CTNND2: variants seen among roughly 807,000 people sequenced by gnomAD.
CTNND2 encodes catenin delta-2.
CTNND2 carries 22 observed loss-of-function variants against 144.4 expected under a neutral mutation model. The observed-to-expected ratio is 0.15, with a 90% confidence interval of 0.11 to 0.22. The LOEUF (loss-of-function observed/expected upper bound fraction) is 0.22. Ranked by LOEUF, CTNND2 falls within the 10% of genes least tolerant of loss-of-function variation. CTNND2 has a pLI of 1.00. For synonymous variants in CTNND2, 751 were observed against 695.6 expected (o/e 1.08, Z -1.25); for missense variants, 1,353 against 1,618.8 (o/e 0.84, Z 2.82).
chr5:11,836,160 G>A (rs2126972380), intron 1 of CTNND2, among the ~76,000 whole-genome samples: 1 of 152,236 alleles, frequency 6.6e-6, no homozygotes, highest in South Asian at 2.1e-4. Context: ...ACCACTCCAT[G>A]TTGGTTGGGC....
chr5:10,986,748 G>T (rs535272065), intron 20 of CTNND2: 1 of 451,032 alleles, frequency 2.2e-6, no homozygotes, highest in Non-Finnish European at 4.4e-6. Context: ...GCTCCTGGGG[G>T]CAGGGATAAG....
At chr5:11,709,524 A>G (rs1033252059) in intron 2 of CTNND2, among the ~76,000 whole-genome samples, 18 of 152,240 alleles carry the variant, frequency 1.2e-4, no homozygotes, top group African/African-American at 4.3e-4. Context: ...ATGATGAACT[A>G]AACTGTATTA....
At chr5:11,128,222 T>C (rs1325546480) in intron 12 of CTNND2, among the ~76,000 whole-genome samples, 1 of 151,716 alleles carries the variant, frequency 6.6e-6, no homozygotes, top group Non-Finnish European at 1.5e-5. Flanking sequence ...CTTCAACATA[T>C]GGGGTAGCCA....
intron 2 of CTNND2, among the ~76,000 whole-genome samples, chr5:11,707,605 G>T (rs1785779259): frequency 6.6e-6 from 1 of 152,016 alleles, no homozygotes; most frequent in Non-Finnish European, 1.5e-5. Context: ...CCCAAAACCA[G>T]GAACACAGGA....
At chr5:11,715,502 T>TA (rs1786302461) in intron 2 of CTNND2, among the ~76,000 whole-genome samples, 1 of 152,202 alleles carries the variant, frequency 6.6e-6, no homozygotes, top group Non-Finnish European at 1.5e-5. Flanking sequence ...CAAGCCTTTT[T>TA]AAGAAAGGAA....
chr5:11,112,004 G>A (rs955646839), intron 13 of CTNND2, among the ~76,000 whole-genome samples: 3 of 151,770 alleles, frequency 2.0e-5, no homozygotes, highest in South Asian at 2.1e-4. Flanking sequence ...CCGCCACTAC[G>A]CCCAGCTAAT....
intron 3 of CTNND2, among the ~76,000 whole-genome samples, chr5:11,444,383 T>C (rs889944482): frequency 6.6e-6 from 1 of 152,202 alleles, no homozygotes; most frequent in Non-Finnish European, 1.5e-5. Flanking sequence ...TAACCTCACA[T>C]AGAGAAAGAA....
At chr5:11,357,774 T>C (rs1756043059) in intron 8 of CTNND2, among the ~76,000 whole-genome samples, 1 of 152,256 alleles carries the variant, frequency 6.6e-6, no homozygotes, top group African/African-American at 2.4e-5. Flanking sequence ...AGCATACACA[T>C]GTATCAAAAC....
At chr5:11,276,117 TG>T (rs1400415611) in intron 9 of CTNND2, among the ~76,000 whole-genome samples, 1 of 152,222 alleles carries the variant, frequency 6.6e-6, no homozygotes, top group Admixed American at 6.5e-5. Context: ...CTATAGTTTT[TG>T]TAGACCTCAG....
intron 5 of CTNND2, among the ~76,000 whole-genome samples, chr5:11,407,407 C>G (rs1044753380): frequency 6.6e-6 from 1 of 152,156 alleles, no homozygotes; most frequent in African/African-American, 2.4e-5. Context: ...GTTAAAAATA[C>G]ACAAAGTGTT....
chr5:11,311,112 C>A (rs536092344), intron 9 of CTNND2, among the ~76,000 whole-genome samples: 1 of 148,210 alleles, frequency 6.7e-6, no homozygotes. Flanking sequence ...TCTCTCCATG[C>A]ACCCTCACCT....
chr5:11,879,353 A>ATATATATATT (rs1560959460), intron 1 of CTNND2, among the ~76,000 whole-genome samples: 1 of 126,288 alleles, frequency 7.9e-6, no homozygotes, highest in African/African-American at 3.1e-5. Context: ...ATATATATAT[A>ATATATATATT]TATACATATA....
At chr5:11,495,355 A>G (rs1769831572) in intron 3 of CTNND2, among the ~76,000 whole-genome samples, 1 of 152,130 alleles carries the variant, frequency 6.6e-6, no homozygotes, top group Non-Finnish European at 1.5e-5. Flanking sequence ...GCTGATATTT[A>G]CAGTATTTCT....
chr5:11,708,148 G>A (rs1785817570), intron 2 of CTNND2, among the ~76,000 whole-genome samples: 1 of 151,826 alleles, frequency 6.6e-6, no homozygotes, highest in Admixed American at 6.6e-5. Context: ...CCAGGCTCAA[G>A]CAACCCTCCC....
intron 9 of CTNND2, among the ~76,000 whole-genome samples, chr5:11,303,904 G>A (rs1294368120): frequency 6.6e-6 from 1 of 152,040 alleles, no homozygotes; most frequent in South Asian, 2.1e-4. Flanking sequence ...TGAATCATGG[G>A]GGCGGTTTCC....
intron 9 of CTNND2, among the ~76,000 whole-genome samples, chr5:11,238,423 T>C (rs999041499): frequency 4.6e-5 from 7 of 152,166 alleles, no homozygotes; most frequent in Non-Finnish European, 1.0e-4. Context: ...AGAGAAGACA[T>C]GAAAAATGGG....
intron 14 of CTNND2, among the ~76,000 whole-genome samples, chr5:11,100,913 G>T (rs1025551743): frequency 1.3e-5 from 2 of 152,148 alleles, no homozygotes; most frequent in African/African-American, 2.4e-5. Flanking sequence ...TAACTTCTGT[G>T]CAATAAAGCA....
chr5:11,355,100 T>C (rs537864863), intron 8 of CTNND2, among the ~76,000 whole-genome samples: 17 of 152,172 alleles, frequency 1.1e-4, no homozygotes, highest in African/African-American at 4.1e-4. Flanking sequence ...AAAGCAGTTA[T>C]AAGAAGGAGT....
chr5:10,973,861 C>A lies in CTNND2; in HGVS notation c.3418-148G>T, dbSNP rs1414327838. The A allele has an allele frequency of 1.2e-6, 1 of 837,412 alleles. No homozygotes were observed. The highest frequency in any genetic ancestry group is 3.5e-5 in the Admixed American group (1 of 28,932). The allele number at this position is 837,412 out of a possible 1,614,324, so 51.9% of individuals were successfully genotyped here. ...GGCCCTGCTTCTCCAAAACTGCCAA[C>A]TGTCATTGGCTTTCCTTTTGAAAAT... On this transcript the variant is annotated intron_variant, in intron 21 of 21. Coordinates refer to ENST00000304623, the MANE Select transcript of CTNND2 (RefSeq NM_001332.4). This position sits in a 1 kb window ranked among gnomAD's most constrained non-coding sequence, Gnocchi z 5.6.
Sources: allele counts gnomAD v4.1 joint callset (sites outside exome capture counted in the v4.1 genomes callset), GRCh38; gene constraint gnomAD v4.1.1; non-coding constraint Gnocchi (gnomAD v3.1); transcripts MANE v1.5; gene names NCBI Gene and HGNC (gene_info 2026-07-23, HGNC 2026-07-21).